BCLAF1: variants seen among roughly 807,000 people sequenced by gnomAD.
The protein encoded by BCLAF1 is BCL2 associated transcription factor 1, also known as bcl-2-associated transcription factor 1.
BCLAF1 carries 10 observed loss-of-function variants against 99.5 expected under a neutral mutation model. The observed-to-expected ratio is 0.10, with a 90% CI of 0.06 to 0.17. The LOEUF is 0.17. BCLAF1 is among the 10% of genes least tolerant of loss of function. The pLI, the probability that BCLAF1 is intolerant of heterozygous loss-of-function variation, is 1.00. For missense variants in BCLAF1, 636 were observed against 1,105.8 expected, an observed-to-expected ratio of 0.58 and a Z score of 6.02; for synonymous variants, 255 against 370.9, an observed-to-expected ratio of 0.69 and a Z score of 3.59.
chr6:136,269,810 C>A (rs576175059), intron 8 of BCLAF1, 198 bp from the exon 9 acceptor site: 77 of 414,228 alleles, frequency 1.9e-4, no homozygotes, highest in Non-Finnish European at 2.9e-4. Context: ...TTTGTGTATA[C>A]AAAGTGCAGT....
intron 1 of BCLAF1, among the ~76,000 whole-genome samples, chr6:136,286,002 G>C (rs1255490747): frequency 6.6e-6 from 1 of 152,110 alleles, no homozygotes; most frequent in Non-Finnish European, 1.5e-5. Flanking sequence ...CAGAGGCTGA[G>C]GCAGGAGAAT....
In BCLAF1 at chr6:136,265,881, G is replaced by GT. The variant is rs564521054; in HGVS notation, c.2544+1147dup. On this transcript the variant is annotated intron_variant, in intron 11 of 12. Coordinates refer to ENST00000531224, the MANE Select transcript of BCLAF1 (RefSeq NM_014739.3). ...CATCCTACTTGTCTTTCCATCCTTAGTACCTAGCATAAACATGTCTGTTAA... is the reference window on the plus strand; with the variant it reads ...CATCCTACTTGTCTTTCCATCCTTAGTTACCTAGCATAAACATGTCTGTTAA... Among the ~76,000 whole-genome samples the GT allele has an allele frequency of 1.7e-3, 254 of 152,048 alleles. 1 individual carries two copies. The highest frequency in any genetic ancestry group is 6.1e-3 in the African/African-American group (253 of 41,484).
chr6:136,287,270 ACTGCACTCCAGCCCGGGCTACAGAGC>A (rs1171047975), intron 1 of BCLAF1, among the ~76,000 whole-genome samples: 14 of 152,202 alleles, frequency 9.2e-5, no homozygotes, highest in Non-Finnish European at 1.9e-4. Context: ...AGATGGCGCC[ACTGCACTCCAGCCCGGGCTACAGAGC>A]GAGTCTCTGT....
intron 5 of BCLAF1, 30 bp downstream of exon 5, chr6:136,275,813 A>T (rs759775273): frequency 6.3e-7 from 1 of 1,594,064 alleles, no homozygotes; most frequent in South Asian, 1.1e-5. Context: ...CTGCCCACAG[A>T]TTATTTACTG....
Position 136,279,798 on chromosome 6 carries a change from T to C in BCLAF1, c.69A>G (p.Ser23=), listed in dbSNP as rs749008247. 4.4e-6 allele frequency: 7 copies of C among 1,578,498 alleles called. No individual in the cohort carries two copies. In the East Asian group the frequency reaches 1.4e-4, roughly 31 times the overall value. Residue 23 remains serine (S), a synonymous_variant, in exon 3 of 13, where the codon TCA becomes TCG. Transcript: ENST00000531224. ...SKSRSQSSSR[S]RSRSHSRKKR... ...TCTTTCTAGAATGAGATCTTGATCT[T>C]GATCGAGAACTAGACTGTGATCTAG...
chr6:136,279,164 A>G (rs1784018332), intron 3 of BCLAF1, among the ~76,000 whole-genome samples: 1 of 152,154 alleles, frequency 6.6e-6, no homozygotes, highest in Non-Finnish European at 1.5e-5. Context: ...AAAGATTACA[A>G]AAAACTATCA....
intron 1 of BCLAF1, among the ~76,000 whole-genome samples, chr6:136,283,682 A>G (rs1330435076): frequency 6.6e-6 from 1 of 152,194 alleles, no homozygotes; most frequent in African/African-American, 2.4e-5. Flanking sequence ...CCAAGATCCA[A>G]TTTTAAAAAT....
intron 1 of BCLAF1, among the ~76,000 whole-genome samples, chr6:136,283,565 G>T (rs970693854): frequency 6.6e-6 from 1 of 152,036 alleles, no homozygotes; most frequent in Non-Finnish European, 1.5e-5. Context: ...TATGTGCAAA[G>T]GATAGTCAAA....
intron 1 of BCLAF1, among the ~76,000 whole-genome samples, chr6:136,287,596 C>T (rs1184124531): frequency 6.6e-6 from 1 of 152,226 alleles, no homozygotes; most frequent in Non-Finnish European, 1.5e-5. Context: ...AGCTAGTGTG[C>T]AACTACTGAT....
intron 3 of BCLAF1, among the ~76,000 whole-genome samples, 182 bp from the exon 4 acceptor site, chr6:136,278,958 G>A (rs906605921): frequency 6.6e-6 from 1 of 150,378 alleles, no homozygotes; most frequent in Non-Finnish European, 1.5e-5. Flanking sequence ...TAAATACTGA[G>A]AGAATACCTT....
chr6:136,289,601 C>T (rs1785694913), intron 1 of BCLAF1, 112 bp downstream of exon 1: 1 of 152,320 alleles, frequency 6.6e-6, no homozygotes, highest in African/African-American at 2.4e-5. Context: ...GCAACGTCTC[C>T]TTGGTTCTCC....
chr6:136,271,035 T>G (rs1282660623), intron 8 of BCLAF1, among the ~76,000 whole-genome samples: 1 of 151,806 alleles, frequency 6.6e-6, no homozygotes, highest in Non-Finnish European at 1.5e-5. Context: ...CCACATCTAG[T>G]AAGTTAATAG....
At chr6:136,283,808 AG>A (rs1784700030) in intron 1 of BCLAF1, among the ~76,000 whole-genome samples, 1 of 152,214 alleles carries the variant, frequency 6.6e-6, no homozygotes, top group African/African-American at 2.4e-5. Flanking sequence ...GGTTCAGCCT[AG>A]GAAGGAGGAA....
intron 4 of BCLAF1, among the ~76,000 whole-genome samples, chr6:136,276,811 C>T (rs1358367646): frequency 6.6e-6 from 1 of 152,064 alleles, no homozygotes; most frequent in Non-Finnish European, 1.5e-5. Flanking sequence ...CTAGAGATTG[C>T]CTAAATTTAA....
chr6:136,274,932 CA>C (rs1783048207), intron 6 of BCLAF1, among the ~76,000 whole-genome samples: 1 of 151,786 alleles, frequency 6.6e-6, no homozygotes, highest in Non-Finnish European at 1.5e-5. Context: ...CCTAATTAGT[CA>C]CTATTCATGT....
Position 136,262,038 on chromosome 6 carries a change from G to C in BCLAF1, c.2545-561C>G, listed in dbSNP as rs548279521. On this transcript the variant is annotated intron_variant, in intron 11 of 12. Coordinates refer to ENST00000531224, the MANE Select transcript of BCLAF1 (RefSeq NM_014739.3). Reference sequence around the variant, plus strand: ...ATGTTCTGGGCTAGAGAATTTCAATGGTAAATCATGACACGGTCCCTAGAA... The same window carrying C: ...ATGTTCTGGGCTAGAGAATTTCAATCGTAAATCATGACACGGTCCCTAGAA... Among the ~76,000 whole-genome samples the C allele has an allele frequency of 9.9e-5, 15 of 152,170 alleles. No homozygotes were observed. The East Asian group carries it at 2.9e-3, about 29-fold the overall frequency.
chr6:136,263,679 A>C (rs1781331575), intron 11 of BCLAF1, among the ~76,000 whole-genome samples: 1 of 152,108 alleles, frequency 6.6e-6, no homozygotes, highest in Non-Finnish European at 1.5e-5. Flanking sequence ...AAGGAATAAT[A>C]ACCAAAACTC....
chr6:136,263,126 A>G (rs1781248569), intron 11 of BCLAF1, among the ~76,000 whole-genome samples: 1 of 152,214 alleles, frequency 6.6e-6, no homozygotes, highest in Non-Finnish European at 1.5e-5. Context: ...CCTCTAAGAT[A>G]GTATTACTGC....
At chr6:136,264,498 C>T (rs1393298705) in intron 11 of BCLAF1, among the ~76,000 whole-genome samples, 2 of 152,160 alleles carry the variant, frequency 1.3e-5, no homozygotes, top group African/African-American at 2.4e-5. Flanking sequence ...AGCCACCGTG[C>T]CTGGCCTGTT....
Sources: allele counts gnomAD v4.1 joint callset (sites outside exome capture counted in the v4.1 genomes callset), GRCh38; gene constraint gnomAD v4.1.1; transcripts MANE v1.5; gene names NCBI Gene and HGNC (gene_info 2026-07-23, HGNC 2026-07-21).